The following GRM8 variants were observed in gnomAD, a reference collection of about 807,000 sequenced individuals.
GRM8 encodes the protein glutamate metabotropic receptor 8.
Under a neutral mutation model 87.2 loss-of-function variants are expected in GRM8, and 47 were observed. The ratio of observed to expected loss-of-function variants is 0.54; its 90% confidence interval spans 0.43 to 0.69. The LOEUF is 0.69. Among genes scored for constraint, GRM8 ranks in the 30% least tolerant of loss-of-function variants. The pLI, the probability that GRM8 is intolerant of heterozygous loss-of-function variation, is 0.00. For synonymous variants in GRM8, 396 were observed against 404.5 expected (o/e 0.98, Z 0.25); for missense variants, 1,019 against 1,139.2 (o/e 0.89, Z 1.52).
chr7:126,692,439 G>A (rs1808928182), intron 7 of GRM8, among the ~76,000 whole-genome samples: 1 of 152,166 alleles, frequency 6.6e-6, no homozygotes, highest in Admixed American at 6.5e-5. Context: ...GATGACTAAG[G>A]CCCTCTCCAT....
chr7:127,157,561 A>G (rs901498173), intron 2 of GRM8, among the ~76,000 whole-genome samples: 15 of 152,224 alleles, frequency 9.9e-5, no homozygotes, highest in African/African-American at 3.6e-4. Flanking sequence ...GTTCTCCCTT[A>G]TTAATGAGAA....
intron 7 of GRM8, among the ~76,000 whole-genome samples, chr7:126,680,320 G>C (rs1218736287): frequency 6.6e-6 from 1 of 152,166 alleles, no homozygotes; most frequent in Non-Finnish European, 1.5e-5. Flanking sequence ...CCTTCAATAA[G>C]AGTGTTGAAA....
chr7:126,618,775 G>T (rs1452988786), intron 7 of GRM8, among the ~76,000 whole-genome samples: 1 of 152,160 alleles, frequency 6.6e-6, no homozygotes, highest in Non-Finnish European at 1.5e-5. Flanking sequence ...ATGAAAAAAT[G>T]CTCATCATCA....
chr7:126,908,311 A>G (rs1313922785), intron 3 of GRM8, among the ~76,000 whole-genome samples: 1 of 152,190 alleles, frequency 6.6e-6, no homozygotes, highest in African/African-American at 2.4e-5. Flanking sequence ...ATATTTTGAG[A>G]AAACTTTTGG....
intron 3 of GRM8, among the ~76,000 whole-genome samples, chr7:127,025,991 T>C (rs982072561): frequency 6.6e-6 from 1 of 152,092 alleles, no homozygotes; most frequent in Non-Finnish European, 1.5e-5. Context: ...CCTAATGTTA[T>C]CCCTCCCCCA....
chr7:126,871,545 A>T (rs1586268247), intron 6 of GRM8, among the ~76,000 whole-genome samples: 1 of 152,196 alleles, frequency 6.6e-6, no homozygotes, highest in African/African-American at 2.4e-5. Flanking sequence ...AAGGCAGAAG[A>T]AAGAAGAGGA....
intron 7 of GRM8, among the ~76,000 whole-genome samples, chr7:126,695,957 T>G (rs1453330141): frequency 6.6e-6 from 1 of 152,118 alleles, no homozygotes. Context: ...AGGCAACATA[T>G]GATCACTGAT....
At position 126,946,326 on chromosome 7, in the gene GRM8, A is replaced by AC. The variant is rs201841734; in HGVS notation, c.728-41644dup. ...AGACCAGCTTGAGCAACATAGTGAG[A>AC]CCCCCCCATCTCTACAAAATATTAC... On this transcript the variant is annotated intron_variant, in intron 3 of 10. Transcript: ENST00000339582. 9.5e-3 allele frequency among the ~76,000 whole-genome samples: 1,451 copies of AC among 152,034 alleles called. 23 individuals are homozygous for AC. The highest frequency in any genetic ancestry group is 0.032 in the African/African-American group (1,334 of 41,470).
intron 3 of GRM8, among the ~76,000 whole-genome samples, chr7:127,037,837 G>A (rs560233385): frequency 7.9e-5 from 11 of 139,614 alleles, no homozygotes; most frequent in Admixed American, 3.5e-4. Flanking sequence ...GCATCCGTGT[G>A]TGTGTGTGTG....
At chr7:126,951,039 T>A (rs1159800686) in intron 3 of GRM8, among the ~76,000 whole-genome samples, 2 of 152,002 alleles carry the variant, frequency 1.3e-5, no homozygotes, top group African/African-American at 4.8e-5. Flanking sequence ...GATATTGTCA[T>A]ATATCTCCAA....
intron 6 of GRM8, among the ~76,000 whole-genome samples, chr7:126,891,521 T>C (rs1313385853): frequency 6.6e-6 from 1 of 152,050 alleles, no homozygotes; most frequent in East Asian, 1.9e-4. Flanking sequence ...TGCCTAGGTC[T>C]CTATCCTTAC....
chr7:127,037,144 T>G (rs895746591), intron 3 of GRM8, among the ~76,000 whole-genome samples: 2 of 152,068 alleles, frequency 1.3e-5, no homozygotes, highest in Non-Finnish European at 2.9e-5. Flanking sequence ...GGTGAAATGG[T>G]TTTTAACCAA....
intron 6 of GRM8, among the ~76,000 whole-genome samples, chr7:126,812,383 A>C (rs1219499950): frequency 6.6e-6 from 1 of 151,992 alleles, no homozygotes; most frequent in African/African-American, 2.4e-5. Flanking sequence ...TATGTGGTAC[A>C]CCCTAGCGCT....
At chr7:126,896,200 A>C (rs1256343916) in intron 6 of GRM8, among the ~76,000 whole-genome samples, 1 of 151,002 alleles carries the variant, frequency 6.6e-6, no homozygotes, top group Non-Finnish European at 1.5e-5. Flanking sequence ...GTCTGAAATC[A>C]ATGCCTGTTT....
chr7:126,952,375 AGAAG>A (rs1808256106), intron 3 of GRM8, among the ~76,000 whole-genome samples: 2 of 152,030 alleles, frequency 1.3e-5, no homozygotes, highest in South Asian at 2.1e-4. Context: ...GTTGAAAGAA[AGAAG>A]GAAGTGGAAA....
chr7:127,249,090 A>C (rs1798728515), intron 1 of GRM8, among the ~76,000 whole-genome samples: 1 of 152,238 alleles, frequency 6.6e-6, no homozygotes, highest in Non-Finnish European at 1.5e-5. Context: ...AAAGTCAGCC[A>C]ATAAATAGCC....
At chr7:127,017,623 T>C (rs17862263) in intron 3 of GRM8, among the ~76,000 whole-genome samples, 1,595 of 152,188 alleles carry the variant, frequency 0.01, 15 homozygotes, top group Middle Eastern at 0.024. Context: ...GGGGAGCTGA[T>C]GCATGTCATT....
intron 3 of GRM8, among the ~76,000 whole-genome samples, chr7:127,023,740 A>G (rs565622290): frequency 1.3e-5 from 2 of 152,208 alleles, no homozygotes; most frequent in African/African-American, 4.8e-5. Flanking sequence ...GCTGACAAAA[A>G]TTTCCAATTT....
chr7:126,469,076 C>T (rs555848714), intron 9 of GRM8, among the ~76,000 whole-genome samples: 14 of 152,138 alleles, frequency 9.2e-5, no homozygotes, highest in African/African-American at 3.4e-4. Flanking sequence ...AGACCAACAC[C>T]CACTTGTGCA....
Sources: gnomAD v4.1 joint callset for allele counts (sites outside exome capture counted in the v4.1 genomes callset) on GRCh38, gnomAD v4.1.1 for gene constraint, MANE v1.5 for transcripts, NCBI Gene and HGNC (gene_info 2026-07-23, HGNC 2026-07-21) for gene names.